The following C4orf50 variants were observed in gnomAD, a reference collection of about 807,000 sequenced individuals.
C4orf50 encodes uncharacterized protein C4orf50.
Under a neutral mutation model 77.2 loss-of-function variants are expected in C4orf50, and 80 were observed. The observed-to-expected ratio is 1.04, with a 90% confidence interval of 0.87 to 1.25. The LOEUF is 1.25. Among genes scored for constraint, C4orf50 ranks in the 50% most tolerant of loss-of-function variants. The pLI is 0.00. For missense variants in C4orf50, 1,257 were observed against 1,152.9 expected, an observed-to-expected ratio of 1.09 and a Z score of -1.31; for synonymous variants, 532 against 465.3, an observed-to-expected ratio of 1.14 and a Z score of -1.84.
chr4:5,939,262 A>G (rs1040030570), intron 7 of C4orf50, among the ~76,000 whole-genome samples: 3 of 152,154 alleles, frequency 2.0e-5, no homozygotes, highest in Non-Finnish European at 4.4e-5. Flanking sequence ...AGAAAGAAAG[A>G]AAGAAAGAAA....
At chr4:6,014,887 C>T (rs75149938) in intron 23 of C4orf50, among the ~76,000 whole-genome samples, 1 of 152,164 alleles carries the variant, frequency 6.6e-6, no homozygotes, top group Admixed American at 6.5e-5. Context: ...CACATCCCCC[C>T]ACAGGCCCAG....
intron 7 of C4orf50, among the ~76,000 whole-genome samples, chr4:5,914,218 T>G (rs1443642346): frequency 1.6e-4 from 23 of 145,260 alleles, no homozygotes; most frequent in African/African-American, 5.3e-4. Flanking sequence ...TTTTTTTTTT[T>G]TTTTTTTTTG....
At chr4:5,961,641 T>A (rs1204554020) in intron 33 of C4orf50, among the ~76,000 whole-genome samples, 1 of 152,186 alleles carries the variant, frequency 6.6e-6, no homozygotes, top group Non-Finnish European at 1.5e-5. Context: ...GCCATACGGC[T>A]CTCAAGCCTG....
At chr4:5,927,675 G>A (rs187808593) in intron 7 of C4orf50, among the ~76,000 whole-genome samples, 1 of 152,110 alleles carries the variant, frequency 6.6e-6, no homozygotes, top group African/African-American at 2.4e-5. Flanking sequence ...CATGTTAGAT[G>A]TGCCTTCTTC....
At chr4:5,946,959 C>T (rs1198823679) in intron 7 of C4orf50, among the ~76,000 whole-genome samples, 1 of 152,188 alleles carries the variant, frequency 6.6e-6, no homozygotes, top group Non-Finnish European at 1.5e-5. Context: ...GAGGTGATAA[C>T]ACACATGGTG....
At chr4:5,945,147 G>C (rs543666793) in intron 7 of C4orf50, among the ~76,000 whole-genome samples, 3 of 152,202 alleles carry the variant, frequency 2.0e-5, no homozygotes, top group Non-Finnish European at 4.4e-5. Flanking sequence ...TTCCTGGGAG[G>C]AGGAAGCTCC....
chr4:5,980,426 C>A, intron 28 of C4orf50, 88 bp from the exon 7 acceptor site: 1 of 1,230,120 alleles, frequency 8.1e-7, no homozygotes, highest in South Asian at 1.5e-5. Flanking sequence ...TTTCCCCACT[C>A]CGTAGTTTTT....
At chr4:5,903,153 C>T (rs1213449173) in intron 7 of C4orf50, 2 of 152,124 alleles carry the variant, frequency 1.3e-5, no homozygotes, top group Non-Finnish European at 2.9e-5. Context: ...TGGGGTGCCT[C>T]TCAGTGGGGG....
chr4:5,903,732 A>G (rs1716431248), intron 7 of C4orf50: 1 of 152,216 alleles, frequency 6.6e-6, no homozygotes, highest in Admixed American at 6.5e-5. Context: ...TGATGGTTGC[A>G]CCACAATGTG....
chr4:5,938,127 T>C (rs1718106762), intron 7 of C4orf50, among the ~76,000 whole-genome samples: 1 of 152,150 alleles, frequency 6.6e-6, no homozygotes, highest in Admixed American at 6.5e-5. Context: ...AAATACGTAA[T>C]ATTTTCAAAC....
Position 6,008,170 on chromosome 4 carries a change from C to T in C4orf50, c.789G>A (p.Glu263=), listed in dbSNP as rs574453820. 1.7e-4 allele frequency: 67 copies of T among 398,634 alleles called. No individual in the cohort carries two copies. In the South Asian group the frequency reaches 6.4e-3, roughly 38 times the overall value. 24.7% of individuals were successfully genotyped at this position (398,634 alleles called of 1,614,324 possible). The change falls in exon 25 of 34, where the codon GAG becomes GAA. Residue 263 remains glutamate (E), a synonymous_variant. Transcript: ENST00000531445. This position sits in a 1 kb window ranked among gnomAD's most constrained non-coding sequence, Gnocchi z 6.0. ...GGAGCTGGCGCTCGGTGGCCCGGTG[C>T]TCCTGCAGGCTGCGCGCCGCCTCTT...
Position 6,017,020 on chromosome 4 carries a change from C to T in C4orf50, c.287+1125G>A, listed in dbSNP as rs1225167243. ...CTGATCTATATACAAGGCCCAACCT[C>T]GTTCTGCCAGTCTGGGTGTCAAGAC... On this transcript the variant is annotated intron_variant, in intron 23 of 33. Coordinates refer to ENST00000531445, the Ensembl canonical transcript of C4orf50. The surrounding 1 kb of genome is among the most constrained non-coding windows in gnomAD (Gnocchi z 4.7). Among the ~76,000 whole-genome samples, 1 of 152,162 alleles carries T rather than the reference C, an allele frequency of 6.6e-6. No individual in the cohort carries two copies. The highest frequency in any genetic ancestry group is 2.4e-5 in the African/African-American group (1 of 41,432).
Position 6,011,208 on chromosome 4 carries a change from G to A in C4orf50, c.426+622C>T, listed in dbSNP as rs1722480853. Among the ~76,000 whole-genome samples, 1 of 152,192 alleles carries A rather than the reference G, an allele frequency of 6.6e-6. No homozygotes were observed. The highest frequency in any genetic ancestry group is 2.1e-4 in the South Asian group (1 of 4,836). ...TCCCTACTTAAGTCCCCTAAAGCTT[G>A]TTCCCCATTGTATTCAGAATTGGGC... On this transcript the variant is annotated intron_variant, in intron 24 of 33. Transcript: ENST00000531445. The surrounding 1 kb of genome is among the most constrained non-coding windows in gnomAD (Gnocchi z 4.2).
At chr4:5,929,764 T>C (rs907627860) in intron 7 of C4orf50, among the ~76,000 whole-genome samples, 1 of 152,218 alleles carries the variant, frequency 6.6e-6, no homozygotes, top group Non-Finnish European at 1.5e-5. Context: ...TGCACCACCA[T>C]ATAAATAGGA....
At chr4:5,957,007 T>C (rs893301324), downstream of C4orf50, 3 of 151,662 alleles carry the variant, frequency 2.0e-5, no homozygotes, top group African/African-American at 7.3e-5. Flanking sequence ...GCGAGGGGAG[T>C]CCGCCATCCT....
At chr4:5,978,092 G>A (rs776662994) in intron 29 of C4orf50, among the ~76,000 whole-genome samples, 1 of 152,180 alleles carries the variant, frequency 6.6e-6, no homozygotes, top group Non-Finnish European at 1.5e-5. Context: ...TTAGCCATCA[G>A]AAAATACAGC....
chr4:6,014,987 A>T (rs4270540), intron 23 of C4orf50, among the ~76,000 whole-genome samples: 5 of 152,148 alleles, frequency 3.3e-5, no homozygotes, highest in South Asian at 4.2e-4. Flanking sequence ...CTTTGGTTGG[A>T]GTTCCCTGCC....
intron 28 of C4orf50, among the ~76,000 whole-genome samples, chr4:5,983,455 C>CT (rs1720706159): frequency 6.6e-6 from 1 of 152,232 alleles, no homozygotes; most frequent in African/African-American, 2.4e-5. Context: ...TGGCCGCTCG[C>CT]TTTTCCCTCT....
rs889849187 is a variant in C4orf50, at chr4:6,008,061, C to T, written c.898G>A (p.Ala300Thr). The T allele has an allele frequency of 2.0e-5, 8 of 399,292 alleles. No homozygotes were observed. Among genetic ancestry groups the T allele is most frequent in the East Asian group, 1.4e-4 (4 of 28,068 alleles). 24.7% of individuals were successfully genotyped at this position (399,292 alleles called of 1,614,324 possible). The change falls in exon 25 of 34, where the codon GCC becomes ACC. Residue 300 changes from alanine (A) to threonine (T), a missense_variant. Ala to Thr is a moderately conservative substitution (Grantham distance 58). Transcript: ENST00000531445. This position sits in a 1 kb window ranked among gnomAD's most constrained non-coding sequence, Gnocchi z 6.0. Reference sequence around the variant, plus strand: ...TCTCGCAGGCACTGGTTTTGCTGGGCGAGGTCCTCCACCTGGCCCTGCAGG... The same window carrying T: ...TCTCGCAGGCACTGGTTTTGCTGGGTGAGGTCCTCCACCTGGCCCTGCAGG...
Sources: gnomAD v4.1 joint callset for allele counts (sites outside exome capture counted in the v4.1 genomes callset) on GRCh38, gnomAD v4.1.1 for gene constraint, Gnocchi (gnomAD v3.1) non-coding constraint, MANE v1.5 for transcripts, NCBI Gene and HGNC (gene_info 2026-07-23, HGNC 2026-07-21) for gene names.